Variants in RGS3 observed in about 807,000 individuals in gnomAD.
RGS3 encodes regulator of G protein signaling 3, also known as regulator of G-protein signalling 3.
RGS3 carries 80 observed loss-of-function variants against 132.6 expected under a neutral mutation model. The ratio of observed to expected loss-of-function variants is 0.60; its 90% CI spans 0.50 to 0.73. The LOEUF (loss-of-function observed/expected upper bound fraction) is 0.73, where lower values mean the gene tolerates loss of function less well. Among genes scored for constraint, RGS3 ranks in the 30% least tolerant of loss-of-function variants. The pLI is 0.00. For synonymous variants in RGS3, 598 were observed against 620.6 expected, an observed-to-expected ratio of 0.96 and a Z score of 0.54; for missense variants, 1,382 against 1,530.8, an observed-to-expected ratio of 0.90 and a Z score of 1.62.
At chr9:113,593,198 A>G (rs1201343506) in intron 21 of RGS3, among the ~76,000 whole-genome samples, 4 of 152,236 alleles carry the variant, frequency 2.6e-5, no homozygotes, top group African/African-American at 9.6e-5. Context: ...AGAGCCTGGG[A>G]TCAGCCTCCC....
chr9:113,486,595 A>G (rs1302091607), intron 7 of RGS3, among the ~76,000 whole-genome samples: 1 of 152,214 alleles, frequency 6.6e-6, no homozygotes, highest in Non-Finnish European at 1.5e-5. Context: ...GCAGTGGCTC[A>G]TTTGGCTGGT....
intron 20 of RGS3, among the ~76,000 whole-genome samples, chr9:113,588,124 T>C (rs1048577330): frequency 6.6e-6 from 1 of 152,206 alleles, no homozygotes; most frequent in African/African-American, 2.4e-5. Context: ...CCCTGCTTCC[T>C]TCCTCCCCTG....
intron 7 of RGS3, among the ~76,000 whole-genome samples, chr9:113,488,690 T>G (rs1359615887): frequency 6.6e-6 from 1 of 152,160 alleles, no homozygotes. Context: ...TTTGGGAAAG[T>G]GAGATGCCTT....
In RGS3 at chr9:113,537,313, G is replaced by A. The variant is rs564796046; in HGVS notation, c.2037+395G>A. 6.6e-6 allele frequency among the ~76,000 whole-genome samples: 1 copy of A among 152,306 alleles called. No homozygotes were observed. Among genetic ancestry groups the A allele is most frequent in the South Asian group, 2.1e-4 (1 of 4,828 alleles). On this transcript the variant is annotated intron_variant, in intron 19 of 24. Coordinates refer to ENST00000350696, the Ensembl canonical transcript of RGS3. The surrounding 1 kb of genome is among the most constrained non-coding windows in gnomAD (Gnocchi z 4.3). Reference sequence around the variant, plus strand: ...TTTAACATTGGCCCCAGGCGGATGCGATAGAGGGGATGTTTGCGGCAGAAG... The same window carrying A: ...TTTAACATTGGCCCCAGGCGGATGCAATAGAGGGGATGTTTGCGGCAGAAG...
At position 113,596,691 on chromosome 9, in the gene RGS3, G is replaced by C. The variant is rs532712859; in HGVS notation, c.3412-77G>C. Reference sequence around the variant, plus strand: ...GGGCTTGGAGGTGAGAGGCTGGATGGGTCCCTTCCAGGCACATGGGCCCTA... The same window carrying C: ...GGGCTTGGAGGTGAGAGGCTGGATGCGTCCCTTCCAGGCACATGGGCCCTA... On this transcript the variant is annotated intron_variant, in intron 24 of 24. Coordinates refer to ENST00000350696, the Ensembl canonical transcript of RGS3. 40 of 1,298,282 alleles carry C rather than the reference G, an allele frequency of 3.1e-5. No individual in the cohort carries two copies. In the African/African-American group the frequency reaches 5.5e-4, roughly 18 times the overall value. The allele number at this position is 1,298,282 out of a possible 1,614,324, so 80.4% of individuals were successfully genotyped here.
intron 6 of RGS3, 61 bp from the exon 5 acceptor site, chr9:113,485,564 G>A: frequency 7.4e-7 from 1 of 1,351,468 alleles, no homozygotes; most frequent in Non-Finnish European, 1.0e-6. Flanking sequence ...GACTCTATGA[G>A]TCAGCTATGG....
At chr9:113,575,967 C>T (rs1214664860) in intron 19 of RGS3, among the ~76,000 whole-genome samples, 2 of 152,092 alleles carry the variant, frequency 1.3e-5, no homozygotes, top group African/African-American at 4.8e-5. Flanking sequence ...TTGAGGTTTA[C>T]GAATGTGTAT....
At chr9:113,475,804 A>G (rs1193919445) in intron 3 of RGS3, among the ~76,000 whole-genome samples, 1 of 152,090 alleles carries the variant, frequency 6.6e-6, no homozygotes, top group Non-Finnish European at 1.5e-5. Context: ...TTCTGAAAGG[A>G]TGCCAAATTA....
intron 19 of RGS3, among the ~76,000 whole-genome samples, chr9:113,563,651 C>A (rs1833880271): frequency 6.6e-6 from 1 of 152,168 alleles, no homozygotes; most frequent in African/African-American, 2.4e-5. Context: ...CTAGGCCCTG[C>A]AAGGACTGCC....
At chr9:113,466,478 G>C (rs547653778) in intron 3 of RGS3, among the ~76,000 whole-genome samples, 2 of 152,308 alleles carry the variant, frequency 1.3e-5, no homozygotes, top group South Asian at 4.1e-4. Flanking sequence ...ACAACCCCTT[G>C]TCCCCCAAAA....
At chr9:113,495,500 T>G (rs1268657091) in intron 7 of RGS3, among the ~76,000 whole-genome samples, 1 of 152,146 alleles carries the variant, frequency 6.6e-6, no homozygotes, top group Non-Finnish European at 1.5e-5. Context: ...CGGTTAAAAC[T>G]CATGAAGTAC....
intron 19 of RGS3, among the ~76,000 whole-genome samples, chr9:113,540,267 C>T (rs1156527389): frequency 6.6e-6 from 1 of 152,118 alleles, no homozygotes; most frequent in African/African-American, 2.4e-5. Context: ...CACCTGTGGC[C>T]ATTCAGGTTC....
chr9:113,584,967 A>G (rs1457498224), intron 20 of RGS3, among the ~76,000 whole-genome samples: 1 of 152,260 alleles, frequency 6.6e-6, no homozygotes, highest in Non-Finnish European at 1.5e-5. Context: ...ACAGTGTATC[A>G]GTGTCTGAAC....
At chr9:113,457,209 C>A (rs986272231), upstream of RGS3, among the ~76,000 whole-genome samples, 1 of 151,568 alleles carries the variant, frequency 6.6e-6, no homozygotes, top group Non-Finnish European at 1.5e-5. Flanking sequence ...TACAACGCCC[C>A]CTCTCACTTT....
chr9:113,473,529 C>T (rs1829899460), intron 3 of RGS3, among the ~76,000 whole-genome samples: 1 of 152,090 alleles, frequency 6.6e-6, no homozygotes, highest in African/African-American at 2.4e-5. Context: ...ACTACAGGTA[C>T]ACACCACCAC....
chr9:113,500,687 CTT>C (rs56957630), intron 10 of RGS3, among the ~76,000 whole-genome samples: 100 of 135,968 alleles, frequency 7.4e-4, no homozygotes, highest in African/African-American at 1.2e-3. Context: ...AATAAATTGA[CTT>C]TTTTTTTTTT....
At chr9:113,517,442 G>A (rs1246570800) in intron 15 of RGS3, 99 bp from the exon 14 acceptor site, 2 of 928,274 alleles carry the variant, frequency 2.2e-6, no homozygotes, top group African/African-American at 3.2e-5. Flanking sequence ...CTGGGTCAGA[G>A]GGTTCTCTGT....
chr9:113,473,403 G>A (rs1359258668), intron 3 of RGS3, among the ~76,000 whole-genome samples: 3 of 152,016 alleles, frequency 2.0e-5, no homozygotes, highest in Admixed American at 1.3e-4. Flanking sequence ...TTTTTTTTGA[G>A]TTGGGGTCTC....
At chr9:113,589,531 T>C (rs1263226203) in intron 20 of RGS3, among the ~76,000 whole-genome samples, 1 of 152,126 alleles carries the variant, frequency 6.6e-6, no homozygotes, top group Non-Finnish European at 1.5e-5. Context: ...AGGCTGAGGA[T>C]GGCGGCTGGG....
Sources: allele counts gnomAD v4.1 joint callset (sites outside exome capture counted in the v4.1 genomes callset), GRCh38; gene constraint gnomAD v4.1.1; non-coding constraint Gnocchi (gnomAD v3.1); transcripts MANE v1.5; gene names NCBI Gene and HGNC (gene_info 2026-07-23, HGNC 2026-07-21).